COL6A5: variants seen among roughly 807,000 people sequenced by gnomAD.
COL6A5 encodes collagen alpha-5(VI) chain.
A neutral mutation model predicts 65.6 loss-of-function variants in COL6A5; 48 were observed. The ratio of observed to expected loss-of-function variants is 0.73; its 90% confidence interval spans 0.58 to 0.93. The LOEUF (loss-of-function observed/expected upper bound fraction) is 0.93, where lower values mean the gene tolerates loss of function less well. COL6A5 is among the 40% of genes least tolerant of loss of function. COL6A5 has a pLI of 0.00. For synonymous variants in COL6A5, 291 were observed against 322.8 expected, an observed-to-expected ratio of 0.90 and a Z score of 1.05; for missense variants, 914 against 928.3, an observed-to-expected ratio of 0.98 and a Z score of 0.20.
intron 13 of COL6A5, 92 bp downstream of exon 13, chr3:130,403,754 T>TA (rs530969248): frequency 7.2e-6 from 7 of 978,158 alleles, no homozygotes; most frequent in Non-Finnish European, 8.5e-6. Context: ...TTCTTTTTCA[T>TA]AAAAAAAGCT....
chr3:130,411,109 G>A (rs570189127), intron 20 of COL6A5, among the ~76,000 whole-genome samples: 2 of 152,268 alleles, frequency 1.3e-5, no homozygotes, highest in African/African-American at 4.8e-5. Flanking sequence ...CAACCTTGAG[G>A]TGCTGGCATA....
exon 1 of COL6A5, chr3:130,345,771 G>A (rs1002178218): frequency 4.3e-5 from 17 of 398,516 alleles, no homozygotes; most frequent in Admixed American, 8.8e-5. Flanking sequence ...CAGGGCACGA[G>A]GCGTTCGCTG....
chr3:130,442,676 T>C (rs988107622), intron 3 of COL6A5, among the ~76,000 whole-genome samples: 4 of 152,200 alleles, frequency 2.6e-5, no homozygotes, highest in Non-Finnish European at 5.9e-5. Context: ...TGTTCCCACA[T>C]GCACAGGCAA....
chr3:130,360,931 G>C (rs776223225), intron 1 of COL6A5, among the ~76,000 whole-genome samples: 1 of 151,898 alleles, frequency 6.6e-6, no homozygotes, highest in Non-Finnish European at 1.5e-5. Flanking sequence ...AAAGTCTCTC[G>C]TGCCCAAACT....
At chr3:130,457,620 G>A (rs1709602460) in intron 5 of COL6A5, among the ~76,000 whole-genome samples, 1 of 152,088 alleles carries the variant, frequency 6.6e-6, no homozygotes, top group Non-Finnish European at 1.5e-5. Context: ...ATTATGTCAG[G>A]TTGGGGTAGC....
At position 130,388,960 on chromosome 3, in the gene COL6A5, G is replaced by A. The variant is rs1461533720; in HGVS notation, c.2242G>A (p.Ala748Thr). 7 of 1,547,940 alleles carry A rather than the reference G, an allele frequency of 4.5e-6. No homozygotes were observed. In the East Asian group the frequency reaches 1.5e-4, roughly 32 times the overall value. Residue 748 changes from alanine to threonine, a missense_variant and NMD_transcript_variant, in exon 6 of 42, where the codon GCT (alanine) becomes ACT (threonine). Transcript: ENST00000312481. ...AGCGCAGGATGATGTGAGAGATCCTGCTAGAATTCTTCGGGGCAAAGATGT... is the reference window on the plus strand; with the variant it reads ...AGCGCAGGATGATGTGAGAGATCCTACTAGAATTCTTCGGGGCAAAGATGT...
In COL6A5 at chr3:130,348,231, C is replaced by A. The variant is rs144586727; in HGVS notation, c.-29+2250C>A. 9.9e-3 allele frequency among the ~76,000 whole-genome samples: 1,510 copies of A among 152,034 alleles called. 17 individuals carry two copies. Among genetic ancestry groups the A allele is most frequent in the South Asian group, 0.08 (385 of 4,814 alleles). ...TCAACCCATCATCTAGGTTTTAAGC[C>A]CCACATGCATTAGGCATTTGTCCTA... is the stretch of plus-strand genomic sequence containing the variant. On this transcript the variant is annotated intron_variant and NMD_transcript_variant, in intron 1 of 41. Transcript: ENST00000312481.
chr3:130,404,461 T>C (rs1289277908), intron 13 of COL6A5, among the ~76,000 whole-genome samples: 1 of 152,240 alleles, frequency 6.6e-6, no homozygotes, highest in Non-Finnish European at 1.5e-5. Context: ...ACCTAACTTC[T>C]TGACCCTCAG....
intron 17 of COL6A5, 54 bp from the exon 18 acceptor site, chr3:130,409,272 C>T: frequency 7.1e-7 from 1 of 1,405,716 alleles, no homozygotes; most frequent in Non-Finnish European, 9.6e-7. Context: ...ACACTTAACA[C>T]CATTATACAA....
chr3:130,477,106 CG>C (rs1559923761), intron 7 of COL6A5: 2 of 1,492,648 alleles, frequency 1.3e-6, no homozygotes, highest in South Asian at 2.4e-5. Flanking sequence ...CCAATACTTT[CG>C]TCATAGTGAT....
intron 4 of COL6A5, among the ~76,000 whole-genome samples, chr3:130,446,545 C>T (rs529524583): frequency 7.2e-5 from 11 of 152,248 alleles, no homozygotes; most frequent in Admixed American, 3.9e-4. Context: ...TTAGTTAGAT[C>T]GGTCTCCATT....
At chr3:130,394,982 T>G (rs891244030) in exon 8 of COL6A5, 3 of 1,551,626 alleles carry the variant, frequency 1.9e-6, no homozygotes, top group Non-Finnish European at 2.6e-6. Flanking sequence ...AACTTTCTTG[T>G]CAGACTTAAT....
intron 1 of COL6A5, among the ~76,000 whole-genome samples, chr3:130,357,454 C>G (rs1174478431): frequency 6.6e-6 from 1 of 152,158 alleles, no homozygotes; most frequent in Non-Finnish European, 1.5e-5. Flanking sequence ...GCTTCCAGAT[C>G]ATTTTTATGA....
intron 1 of COL6A5, among the ~76,000 whole-genome samples, chr3:130,354,620 A>T (rs555460669): frequency 6.6e-6 from 1 of 152,300 alleles, no homozygotes; most frequent in African/African-American, 2.4e-5. Flanking sequence ...ACACTTTCTT[A>T]ATTAACCACT....
At chr3:130,458,362 G>A (rs147408654) in intron 5 of COL6A5, among the ~76,000 whole-genome samples, 78 of 152,188 alleles carry the variant, frequency 5.1e-4, no homozygotes, top group South Asian at 8.3e-4. Context: ...GGTAATATTT[G>A]TATGCCCTCA....
chr3:130,382,914 G>A (rs1441584237), intron 4 of COL6A5, among the ~76,000 whole-genome samples: 1 of 152,048 alleles, frequency 6.6e-6, no homozygotes, highest in Non-Finnish European at 1.5e-5. Flanking sequence ...CTTCCAAGTG[G>A]TACATTCTCT....
intron 7 of COL6A5, among the ~76,000 whole-genome samples, chr3:130,477,517 T>G (rs961930549): frequency 2.6e-5 from 4 of 152,104 alleles, no homozygotes; most frequent in Non-Finnish European, 5.9e-5. Flanking sequence ...TAAGTGGAAC[T>G]GTATCTTTTT....
chr3:130,398,845 A>C (rs777633290), intron 10 of COL6A5, among the ~76,000 whole-genome samples: 9 of 152,174 alleles, frequency 5.9e-5, no homozygotes, highest in Non-Finnish European at 1.2e-4. Flanking sequence ...ATTTACTGAG[A>C]TGTATCCCTG....
chr3:130,427,639 A>G (rs1292712018), upstream of COL6A5, among the ~76,000 whole-genome samples: 1 of 152,152 alleles, frequency 6.6e-6, no homozygotes, highest in Non-Finnish European at 1.5e-5. Flanking sequence ...TGAGGGAAGG[A>G]GACTCAGATG....
Sources: gnomAD v4.1 joint callset for allele counts (sites outside exome capture counted in the v4.1 genomes callset) on GRCh38, gnomAD v4.1.1 for gene constraint, MANE v1.5 for transcripts, NCBI Gene and HGNC (gene_info 2026-07-23, HGNC 2026-07-21) for gene names.